RBL1: variants seen among roughly 807,000 people sequenced by gnomAD.
The protein encoded by RBL1 is retinoblastoma-like protein 1.
In RBL1, 82 loss-of-function variants were observed where a neutral mutation model predicts 123.0. The observed-to-expected ratio is 0.67, with a 90% CI of 0.56 to 0.80. The LOEUF (loss-of-function observed/expected upper bound fraction) is 0.80. Ranked by LOEUF, RBL1 falls within the 30% of genes least tolerant of loss-of-function variation. RBL1 has a pLI of 0.00. For missense variants in RBL1, 1,171 were observed against 1,299.6 expected, an observed-to-expected ratio of 0.90 and a Z score of 1.52; for synonymous variants, 405 against 441.3, an observed-to-expected ratio of 0.92 and a Z score of 1.03.
chr20:37,030,022 T>C (rs2064481673), intron 16 of RBL1, among the ~76,000 whole-genome samples: 2 of 152,196 alleles, frequency 1.3e-5, no homozygotes, highest in South Asian at 4.1e-4. Context: ...GCCAATGCGA[T>C]CTCCATATTC....
intron 17 of RBL1, 21 bp from the exon 18 acceptor site, chr20:37,020,751 A>G: frequency 6.8e-7 from 1 of 1,479,234 alleles, no homozygotes; most frequent in Non-Finnish European, 9.2e-7. Flanking sequence ...TAAAAACCGC[A>G]TTTATCAACT....
intron 11 of RBL1, among the ~76,000 whole-genome samples, chr20:37,051,470 A>G (rs1013743782): frequency 6.6e-6 from 1 of 152,108 alleles, no homozygotes; most frequent in Non-Finnish European, 1.5e-5. Context: ...GGTAAGCCAC[A>G]GCACCTGGCC....
chr20:37,033,000 C>T (rs2146247995), intron 15 of RBL1, 124 bp from the exon 16 acceptor site: 2 of 1,218,056 alleles, frequency 1.6e-6, no homozygotes, highest in South Asian at 1.7e-5. Context: ...AATAGTAATT[C>T]TAGGTTATGA....
intron 1 of RBL1, among the ~76,000 whole-genome samples, chr20:37,089,409 G>C (rs922568692): frequency 6.8e-6 from 1 of 148,042 alleles, no homozygotes; most frequent in Admixed American, 6.7e-5. Context: ...CCAGTAACTC[G>C]GGAGGCTGAG....
At chr20:37,046,995 A>G (rs2064827099) in intron 12 of RBL1, 58 bp downstream of exon 12, 5 of 1,515,046 alleles carry the variant, frequency 3.3e-6, no homozygotes, top group Non-Finnish European at 4.4e-6. Context: ...AGATAAATAC[A>G]ATGTTTCTGT....
At chr20:37,072,775 C>T (rs2065302697) in intron 2 of RBL1, among the ~76,000 whole-genome samples, 1 of 152,174 alleles carries the variant, frequency 6.6e-6, no homozygotes, top group Non-Finnish European at 1.5e-5. Context: ...TGTCCAGGGA[C>T]AGCATTGCTA....
At chr20:37,067,538 G>A (rs2065197996) in intron 3 of RBL1, among the ~76,000 whole-genome samples, 1 of 151,980 alleles carries the variant, frequency 6.6e-6, no homozygotes, top group Admixed American at 6.6e-5. Flanking sequence ...GGAGGCCGAG[G>A]TGGGTAGATC....
Position 37,006,796 on chromosome 20 carries a change from G to A in RBL1, c.2871+615C>T, listed in dbSNP as rs143700613. On this transcript the variant is annotated intron_variant, in intron 20 of 21. Coordinates refer to ENST00000373664, the MANE Select transcript of RBL1 (RefSeq NM_002895.5). ...CAGAGGTTGCAGTTGAGCTGAGATC[G>A]CACCACTGCACGCCAGCCTGGGTGA... Among the ~76,000 whole-genome samples the A allele has an allele frequency of 4.2e-5, 6 of 142,422 alleles. No individual in the cohort carries two copies. In the East Asian group the frequency reaches 8.5e-4, roughly 20 times the overall value. 93.4% of individuals were successfully genotyped at this position (142,422 alleles called of 152,430 possible). A position where few individuals can be genotyped will look rare whatever the true frequency, so the allele number is the denominator to read the frequency against.
chr20:37,018,252 T>C, intron 19 of RBL1, 27 bp downstream of exon 19: 1 of 1,587,774 alleles, frequency 6.3e-7, no homozygotes, highest in Non-Finnish European at 8.6e-7. Flanking sequence ...GTGTTTTACA[T>C]ATAATATGTT....
At chr20:37,035,061 C>T (rs934217069) in intron 15 of RBL1, among the ~76,000 whole-genome samples, 181 bp downstream of exon 15, 4 of 151,672 alleles carry the variant, frequency 2.6e-5, no homozygotes, top group Non-Finnish European at 5.9e-5. Flanking sequence ...ATGTCTGTAC[C>T]TTCCTCTGAA....
chr20:37,064,371 C>T (rs768143277), intron 7 of RBL1, among the ~76,000 whole-genome samples: 2 of 151,366 alleles, frequency 1.3e-5, no homozygotes, highest in East Asian at 2.0e-4. Flanking sequence ...CTCCTGACCT[C>T]GTGATCTGCC....
intron 2 of RBL1, among the ~76,000 whole-genome samples, chr20:37,075,555 A>C (rs2065350603): frequency 6.6e-6 from 1 of 152,058 alleles, no homozygotes; most frequent in South Asian, 2.1e-4. Context: ...TCCTGGGTTC[A>C]AGTGATTCTC....
At chr20:37,036,672 C>T (rs1286543190) in intron 14 of RBL1, among the ~76,000 whole-genome samples, 1 of 139,898 alleles carries the variant, frequency 7.1e-6, no homozygotes, top group Admixed American at 7.5e-5. Flanking sequence ...GTTGCCCAGG[C>T]TGGAGTGCAG....
At chr20:37,085,188 A>G (rs1423297269) in intron 2 of RBL1, among the ~76,000 whole-genome samples, 1 of 150,200 alleles carries the variant, frequency 6.7e-6, no homozygotes, top group East Asian at 1.9e-4. Context: ...CTGGAATACA[A>G]TGGCACGATC....
chr20:37,067,929 A>G, intron 3 of RBL1, 57 bp downstream of exon 3: 1 of 1,545,554 alleles, frequency 6.5e-7, no homozygotes, highest in Non-Finnish European at 8.7e-7. Flanking sequence ...AAAAAAGTAT[A>G]TTCTCTTAGT....
intron 7 of RBL1, among the ~76,000 whole-genome samples, chr20:37,062,684 G>T (rs1392142809): frequency 6.7e-6 from 1 of 150,182 alleles, no homozygotes; most frequent in African/African-American, 2.5e-5. Context: ...GGCCAGGCGC[G>T]GTGGCTCACG....
At chr20:37,002,602 G>A (rs912752574) in intron 21 of RBL1, among the ~76,000 whole-genome samples, 5 of 150,722 alleles carry the variant, frequency 3.3e-5, no homozygotes, top group Admixed American at 6.6e-5. Context: ...GCCTCCCAAA[G>A]TGCTGGGATT....
chr20:37,082,879 G>A (rs1333023544), intron 2 of RBL1, among the ~76,000 whole-genome samples: 8 of 152,102 alleles, frequency 5.3e-5, no homozygotes, highest in Admixed American at 2.0e-4. Context: ...GCACACACCC[G>A]TAGTCCCAGC....
intron 9 of RBL1, among the ~76,000 whole-genome samples, chr20:37,057,810 G>A (rs895638527): frequency 1.4e-4 from 22 of 152,192 alleles, no homozygotes; most frequent in African/African-American, 5.3e-4. Flanking sequence ...CCAACATGGT[G>A]AAACATGTCT....
Sources: gnomAD v4.1 joint callset for allele counts (sites outside exome capture counted in the v4.1 genomes callset) on GRCh38, gnomAD v4.1.1 for gene constraint, MANE v1.5 for transcripts, NCBI Gene and HGNC (gene_info 2026-07-23, HGNC 2026-07-21) for gene names.